Variants in CCDC102B observed in about 807,000 individuals in gnomAD.
The protein encoded by CCDC102B is coiled-coil domain-containing protein 102B.
A neutral mutation model predicts 57.4 loss-of-function variants in CCDC102B; 75 were observed. That is an observed-to-expected ratio of 1.31 (90% CI 1.08 to 1.58). The LOEUF (loss-of-function observed/expected upper bound fraction) is 1.58, where lower values mean the gene tolerates loss of function less well. Among genes scored for constraint, CCDC102B ranks in the 40% most tolerant of loss-of-function variants. CCDC102B has a pLI of 0.00. For missense variants in CCDC102B, 636 were observed against 582.6 expected, an observed-to-expected ratio of 1.09 and a Z score of -0.94; for synonymous variants, 206 against 201.9, an observed-to-expected ratio of 1.02 and a Z score of -0.17.
chr18:68,949,620 T>A (rs1483498141), intron 6 of CCDC102B, among the ~76,000 whole-genome samples: 1 of 152,122 alleles, frequency 6.6e-6, no homozygotes, highest in Non-Finnish European at 1.5e-5. Flanking sequence ...TTTCTGCCTC[T>A]GCTATAATGA....
chr18:68,969,295 G>A (rs1375372655), intron 6 of CCDC102B, among the ~76,000 whole-genome samples: 5 of 152,210 alleles, frequency 3.3e-5, no homozygotes, highest in African/African-American at 9.6e-5. Flanking sequence ...CAGGGCTCCC[G>A]CTAGGCTTTC....
chr18:68,770,119 G>C (rs1176155165), intron 2 of CCDC102B, among the ~76,000 whole-genome samples: 1 of 152,158 alleles, frequency 6.6e-6, no homozygotes, highest in Non-Finnish European at 1.5e-5. Context: ...TGAAAGATTT[G>C]ATCAGATGAC....
intron 5 of CCDC102B, among the ~76,000 whole-genome samples, chr18:68,878,184 C>T (rs997064617): frequency 1.3e-5 from 2 of 152,150 alleles, no homozygotes; most frequent in Non-Finnish European, 2.9e-5. Flanking sequence ...GCAACCTCTG[C>T]CTCCTGGGCT....
intron 6 of CCDC102B, among the ~76,000 whole-genome samples, chr18:68,975,790 CAG>C (rs2050419554): frequency 1.3e-5 from 2 of 151,364 alleles, no homozygotes; most frequent in Non-Finnish European, 2.9e-5. Flanking sequence ...TTTCTACAAA[CAG>C]TGTGTTTCTT....
chr18:68,897,288 G>T lies in CCDC102B; in HGVS notation c.1123G>T (p.Gly375Ter), dbSNP rs1392537312. Residue 375 changes from glycine to a stop codon, truncating the protein, a stop_gained, in exon 6 of 8, where the codon GGA becomes TGA. Transcript: ENST00000360242. LOFTEE classifies it high-confidence loss of function. The stretch of plus-strand genomic sequence containing the variant: ...GGAAATACTTGAAAGAGAAAAGCAG[G>T]GACTGGAGAGAGAAAATAGAAGGCT... Reference protein sequence around the residue: ...KREILEREKQGLERENRRLKI... With the variant: ...KREILEREKQ 2.5e-6 allele frequency: 4 copies of T among 1,612,908 alleles called. No individual in the cohort carries two copies. The African/African-American group carries it at 5.3e-5, about 22-fold the overall frequency.
intron 6 of CCDC102B, among the ~76,000 whole-genome samples, chr18:68,899,349 C>G (rs2040355851): frequency 6.6e-6 from 1 of 151,798 alleles, no homozygotes; most frequent in African/African-American, 2.4e-5. Flanking sequence ...AACACAAAAC[C>G]ATACTGTAGT....
chr18:68,824,426 C>G (rs1292564877), intron 1 of CCDC102B, among the ~76,000 whole-genome samples: 1 of 152,150 alleles, frequency 6.6e-6, no homozygotes, highest in Non-Finnish European at 1.5e-5. Flanking sequence ...TTAGGGTTTT[C>G]TAAGTATAGA....
intron 6 of CCDC102B, among the ~76,000 whole-genome samples, chr18:68,915,600 T>C (rs888801111): frequency 5.9e-5 from 9 of 152,238 alleles, no homozygotes; most frequent in Non-Finnish European, 1.2e-4. Flanking sequence ...ATTATTTTAG[T>C]TGTAATGTTT....
chr18:68,957,265 A>G (rs1366017902), intron 6 of CCDC102B, among the ~76,000 whole-genome samples: 8 of 152,158 alleles, frequency 5.3e-5, no homozygotes, highest in Admixed American at 1.3e-4. Context: ...GTGATGCCTT[A>G]TATTTACGTC....
rs2037499592 is a variant in CCDC102B at position 68,838,828 on chromosome 18, G to T, written c.729G>T (p.Leu243=). 2 of 1,613,986 alleles carry T rather than the reference G, an allele frequency of 1.2e-6. No individual in the cohort carries two copies. Residue 243 remains leucine, a synonymous_variant, in exon 3 of 8, where the codon CTG becomes CTT. Transcript: ENST00000360242. ...GTGAAACGAAAACTGGGCTGAGACT[G>T]AAAGCAATAAATCTGCCTTTGGAAA... ...GNGETKTGLR[L]KAINLPLENE...
intron 2 of CCDC102B, among the ~76,000 whole-genome samples, chr18:68,746,224 C>G (rs185611316): frequency 1.3e-5 from 2 of 152,086 alleles, no homozygotes; most frequent in Non-Finnish European, 2.9e-5. Context: ...TTCAAAAGAG[C>G]GAAACTTTGC....
chr18:68,994,508 C>T (rs1269759796), intron 6 of CCDC102B, among the ~76,000 whole-genome samples: 4 of 151,936 alleles, frequency 2.6e-5, no homozygotes, highest in South Asian at 2.1e-4. Context: ...CTCCCTGACC[C>T]CTCCTGCCAC....
At chr18:68,963,914 G>C (rs2050108031) in intron 6 of CCDC102B, among the ~76,000 whole-genome samples, 1 of 151,876 alleles carries the variant, frequency 6.6e-6, no homozygotes. Flanking sequence ...GAGAGAATAT[G>C]TTTGTATATA....
chr18:68,965,843 AT>A (rs2050154074), intron 6 of CCDC102B, among the ~76,000 whole-genome samples: 1 of 152,032 alleles, frequency 6.6e-6, no homozygotes, highest in African/African-American at 2.4e-5. Flanking sequence ...TAAAAGCTGG[AT>A]TTTTCTGACA....
At chr18:68,811,279 C>T (rs750803207) in intron 1 of CCDC102B, among the ~76,000 whole-genome samples, 1 of 152,148 alleles carries the variant, frequency 6.6e-6, no homozygotes, top group African/African-American at 2.4e-5. Context: ...AAACAATATA[C>T]AGCCTTCATG....
At chr18:68,989,452 T>C (rs920766382) in intron 6 of CCDC102B, among the ~76,000 whole-genome samples, 1 of 152,244 alleles carries the variant, frequency 6.6e-6, no homozygotes, top group Non-Finnish European at 1.5e-5. Flanking sequence ...TTTTTCATAT[T>C]GCTACCTTGA....
rs201389732 is a variant in CCDC102B, at chr18:68,929,837, C to CAA, written c.1263+32410_1263+32411insAA. On this transcript the variant is annotated intron_variant, in intron 6 of 7. Coordinates refer to ENST00000360242, the MANE Select transcript of CCDC102B (RefSeq NM_024781.3). Reference sequence around the variant, plus strand: ...TAAGTATATGTATATAATACACACACACACACATATATATATGCCTGTATG... The same window carrying CAA: ...TAAGTATATGTATATAATACACACACAAACACACATATATATATGCCTGTATG... Among the ~76,000 whole-genome samples the CAA allele has an allele frequency of 6.1e-3, 919 of 151,830 alleles. 12 individuals are homozygous for CAA. The highest frequency in any genetic ancestry group is 0.021 in the African/African-American group (885 of 41,412).
At chr18:68,799,139 G>A (rs1013572033) in intron 1 of CCDC102B, among the ~76,000 whole-genome samples, 1 of 151,872 alleles carries the variant, frequency 6.6e-6, no homozygotes, top group Admixed American at 6.6e-5. Context: ...ATATGTTATT[G>A]CCAATAAATA....
At chr18:69,020,919 C>T (rs1313899032) in intron 7 of CCDC102B, among the ~76,000 whole-genome samples, 1 of 152,106 alleles carries the variant, frequency 6.6e-6, no homozygotes, top group Non-Finnish European at 1.5e-5. Flanking sequence ...GAAAAATAAA[C>T]ATGGGAAACA....
Sources: allele counts gnomAD v4.1 joint callset (sites outside exome capture counted in the v4.1 genomes callset), GRCh38; gene constraint gnomAD v4.1.1; transcripts MANE v1.5; gene names NCBI Gene and HGNC (gene_info 2026-07-23, HGNC 2026-07-21).